The following ST6GALNAC5 variants were observed in gnomAD, a reference collection of about 807,000 sequenced individuals.
ST6GALNAC5 encodes alpha-N-acetylgalactosaminide alpha-2,6-sialyltransferase 5.
A neutral mutation model predicts 33.6 loss-of-function variants in ST6GALNAC5; 27 were observed. That is an observed-to-expected ratio of 0.80 (90% confidence interval 0.59 to 1.11). The LOEUF (loss-of-function observed/expected upper bound fraction) is 1.11. Among genes scored for constraint, ST6GALNAC5 ranks in the 50% least tolerant of loss-of-function variants. The pLI is 0.00. For missense variants in ST6GALNAC5, 428 were observed against 454.0 expected (o/e 0.94, Z 0.52); for synonymous variants, 194 against 171.2 (o/e 1.13, Z -1.04).
At chr1:76,892,112 T>C (rs985599426) in intron 2 of ST6GALNAC5, among the ~76,000 whole-genome samples, 1 of 152,234 alleles carries the variant, frequency 6.6e-6, no homozygotes, top group African/African-American at 2.4e-5. Flanking sequence ...AGTTAGTAGC[T>C]AAACAGTTGT....
chr1:76,914,589 G>A (rs1646949734), intron 2 of ST6GALNAC5, among the ~76,000 whole-genome samples: 1 of 152,186 alleles, frequency 6.6e-6, no homozygotes, highest in African/African-American at 2.4e-5. Flanking sequence ...AAGCAATGCG[G>A]AAAGGATTCC....
chr1:76,868,484 C>A lies in ST6GALNAC5; in HGVS notation c.16-13C>A. The A allele has an allele frequency of 6.3e-7, 1 of 1,597,002 alleles. No homozygotes were observed. Among genetic ancestry groups the A allele is most frequent in the Non-Finnish European group, 8.6e-7 (1 of 1,169,258 alleles). On this transcript the variant is annotated splice_polypyrimidine_tract_variant and intron_variant, in intron 1 of 4. Transcript: ENST00000477717. The surrounding 1 kb of genome is among the most constrained non-coding windows in gnomAD (Gnocchi z 4.3). ...TCAGCCGCTCTCCTCTTCTCTCTCC[C>A]GCCCGCCCGCAGCGCCATGGTCTGG...
At chr1:77,052,135 C>T (rs1652239807) in intron 4 of ST6GALNAC5, among the ~76,000 whole-genome samples, 1 of 152,176 alleles carries the variant, frequency 6.6e-6, no homozygotes, top group Non-Finnish European at 1.5e-5. Flanking sequence ...ATCCCCAAAG[C>T]TTTGATAGTT....
intron 2 of ST6GALNAC5, among the ~76,000 whole-genome samples, chr1:77,004,112 A>G (rs1307475504): frequency 1.3e-5 from 2 of 151,018 alleles, no homozygotes; most frequent in Non-Finnish European, 3.0e-5. Flanking sequence ...CATTCTCCCC[A>G]TCACTTTCAA....
At chr1:76,874,628 A>G (rs1417143837) in intron 2 of ST6GALNAC5, among the ~76,000 whole-genome samples, 2 of 152,056 alleles carry the variant, frequency 1.3e-5, no homozygotes, top group Non-Finnish European at 2.9e-5. Context: ...CCATCTCACC[A>G]TTTCACATTT....
chr1:77,063,349 G>A lies in ST6GALNAC5; in HGVS notation c.*143G>A. The A allele has an allele frequency of 1.4e-6, 1 of 700,732 alleles. No individual in the cohort carries two copies. Among genetic ancestry groups the A allele is most frequent in the African/African-American group, 1.8e-5 (1 of 55,550 alleles). 43.4% of individuals were successfully genotyped at this position (700,732 alleles called of 1,614,324 possible). A position where few individuals can be genotyped will look rare whatever the true frequency, so the allele number is the denominator to read the frequency against. ...GTACCATGGACAGACGCCTACCAGG[G>A]GTGACAAAGCAGTGCAGTTGGATTG... On this transcript the variant is annotated 3_prime_UTR_variant, in exon 5 of 5. Transcript: ENST00000477717.
chr1:77,043,693 CT>C (rs1228254976), intron 2 of ST6GALNAC5, among the ~76,000 whole-genome samples: 6 of 152,142 alleles, frequency 3.9e-5, no homozygotes. Flanking sequence ...CAAGGTTTAA[CT>C]TTCAATAAGG....
At chr1:77,022,959 C>G (rs1378077836) in intron 2 of ST6GALNAC5, among the ~76,000 whole-genome samples, 1 of 152,160 alleles carries the variant, frequency 6.6e-6, no homozygotes, top group African/African-American at 2.4e-5. Flanking sequence ...CAGACTGTGA[C>G]TGTATTTGAA....
chr1:76,974,704 A>T lies in ST6GALNAC5; in HGVS notation c.262-69500A>T, dbSNP rs1033080248. On this transcript the variant is annotated intron_variant, in intron 2 of 4. Transcript: ENST00000477717. ...ATTTTCATACTGCTTGCAGTATGAA[A>T]TATAAGATAACAGTCTTATAATTTC... 2.4e-3 allele frequency among the ~76,000 whole-genome samples: 18 copies of T among 7,520 alleles called. No individual in the cohort carries two copies. In the African/African-American group the frequency reaches 0.026, roughly 11 times the overall value. 4.9% of individuals were successfully genotyped at this position (7,520 alleles called of 152,430 possible). A position where few individuals can be genotyped will look rare whatever the true frequency, so the allele number is the denominator to read the frequency against.
At position 76,991,934 on chromosome 1, in the gene ST6GALNAC5, CAA is replaced by C. The variant is rs567761835; in HGVS notation, c.262-52266_262-52265del. ...CATGGCCTTCATTTTTGTTTTCTAA[CAA>C]AAATAGATAAATGTATGAATGGAAT... On this transcript the variant is annotated intron_variant, in intron 2 of 4. Transcript: ENST00000477717. Among the ~76,000 whole-genome samples the C allele has an allele frequency of 5.3e-5, 8 of 151,978 alleles. No individual in the cohort carries two copies. In the South Asian group the frequency reaches 1.7e-3, roughly 32 times the overall value.
chr1:76,899,941 A>G (rs1400428823), intron 2 of ST6GALNAC5, among the ~76,000 whole-genome samples: 2 of 152,184 alleles, frequency 1.3e-5, no homozygotes, highest in East Asian at 3.9e-4. Flanking sequence ...TGATCTCCCA[A>G]GGGAGGTCCC....
In ST6GALNAC5 at chr1:77,067,428, T is replaced by G. The variant is rs1054472564; in HGVS notation, c.*4222T>G. ...CATGTGTCCTGTTAGTCTAATTAGA[T>G]TGTAAGCTCCTTGAGGGCAGAGACT... On this transcript the variant is annotated 3_prime_UTR_variant, in exon 5 of 5. Coordinates refer to ENST00000477717, the MANE Select transcript of ST6GALNAC5 (RefSeq NM_030965.3). 2.0e-5 allele frequency among the ~76,000 whole-genome samples: 3 copies of G among 152,202 alleles called. No individual in the cohort carries two copies. The highest frequency in any genetic ancestry group is 4.4e-5 in the Non-Finnish European group (3 of 68,018).
chr1:76,945,952 GAGA>G (rs1259674624), intron 2 of ST6GALNAC5, among the ~76,000 whole-genome samples: 3 of 152,108 alleles, frequency 2.0e-5, no homozygotes, highest in Non-Finnish European at 4.4e-5. Context: ...ATGAGGCTAA[GAGA>G]AACCTTGTTC....
intron 2 of ST6GALNAC5, among the ~76,000 whole-genome samples, chr1:76,998,190 T>C (rs1022015553): frequency 2.0e-5 from 3 of 152,070 alleles, no homozygotes; most frequent in Non-Finnish European, 4.4e-5. Flanking sequence ...TACAGTAAAT[T>C]GGTACCAGGA....
At chr1:76,935,315 A>G (rs1201067279) in intron 2 of ST6GALNAC5, among the ~76,000 whole-genome samples, 2 of 152,090 alleles carry the variant, frequency 1.3e-5, no homozygotes, top group African/African-American at 4.8e-5. Context: ...AAAAAATCAG[A>G]TTATGGGGTT....
At chr1:77,055,454 T>C (rs1049835607) in intron 4 of ST6GALNAC5, among the ~76,000 whole-genome samples, 1 of 152,184 alleles carries the variant, frequency 6.6e-6, no homozygotes, top group Non-Finnish European at 1.5e-5. Flanking sequence ...CATGAACACA[T>C]GCATTATTTT....
intron 2 of ST6GALNAC5, among the ~76,000 whole-genome samples, chr1:76,888,482 T>C (rs987716599): frequency 1.3e-5 from 2 of 152,204 alleles, no homozygotes; most frequent in African/African-American, 4.8e-5. Context: ...TTTGAAATTA[T>C]AATCATCGCC....
Position 77,063,142 on chromosome 1 carries a change from T to C in ST6GALNAC5, c.947T>C (p.Phe316Ser), listed in dbSNP as rs763138993. The change falls in exon 5 of 5, where the codon TTT (phenylalanine) becomes TCT (serine). Residue 316 changes from phenylalanine (F) to serine (S), a missense_variant. Coordinates refer to ENST00000477717, the MANE Select transcript of ST6GALNAC5 (RefSeq NM_030965.3). ...GCACGGACATTCAATATTCACTTTT[T>C]TCAACCAGACTGGAAACCAGAATCA... ...NWARTFNIHF[F>S]QPDWKPESLA... 2 of 1,613,914 alleles carry C rather than the reference T, an allele frequency of 1.2e-6. No homozygotes were observed. Among genetic ancestry groups the C allele is most frequent in the South Asian group, 2.2e-5 (2 of 91,066 alleles).
intron 2 of ST6GALNAC5, among the ~76,000 whole-genome samples, chr1:76,950,913 C>T (rs1647716906): frequency 6.6e-6 from 1 of 151,646 alleles, no homozygotes; most frequent in Admixed American, 6.6e-5. Context: ...TAGGTGAAGA[C>T]GAGGAATGTG....
Sources: allele counts gnomAD v4.1 joint callset (sites outside exome capture counted in the v4.1 genomes callset), GRCh38; gene constraint gnomAD v4.1.1; non-coding constraint Gnocchi (gnomAD v3.1); transcripts MANE v1.5; gene names NCBI Gene and HGNC (gene_info 2026-07-23, HGNC 2026-07-21).